The following GPAT4 variants were observed in gnomAD, a reference collection of about 807,000 sequenced individuals.
GPAT4 encodes the protein 1-AGP acyltransferase 6.
A neutral mutation model predicts 58.0 loss-of-function variants in GPAT4; 17 were observed. The ratio of observed to expected loss-of-function variants is 0.29; its 90% CI spans 0.20 to 0.44. The LOEUF is 0.44. GPAT4 is among the 20% of genes least tolerant of loss of function. The pLI is 1.00. For synonymous variants in GPAT4, 204 were observed against 210.1 expected, an observed-to-expected ratio of 0.97 and a Z score of 0.25; for missense variants, 377 against 574.5, an observed-to-expected ratio of 0.66 and a Z score of 3.51.
rs1585670693 is a variant in GPAT4 at position 41,610,393 on chromosome 8, CTG to C, written c.537-340_537-339del. ...CACCTCCTGTTGCTTCAGAGGGAAGCTGTGCTTCCACCGGGGTTTCCAGCCAA... is the reference window on the plus strand; with the variant it reads ...CACCTCCTGTTGCTTCAGAGGGAAGCTGCTTCCACCGGGGTTTCCAGCCAA... On this transcript the variant is annotated intron_variant, in intron 4 of 12. Transcript: ENST00000396987. 6 of 1,238,014 alleles carry C rather than the reference CTG, an allele frequency of 4.8e-6. No homozygotes were observed. In the East Asian group the frequency reaches 2.8e-4, roughly 58 times the overall value. The allele number at this position is 1,238,014 out of a possible 1,614,324, so 76.7% of individuals were successfully genotyped here.
intron 10 of GPAT4, among the ~76,000 whole-genome samples, chr8:41,617,281 G>A (rs925234624): frequency 2.6e-5 from 4 of 152,194 alleles, no homozygotes; most frequent in East Asian, 1.9e-4. Context: ...GGAGAATGGC[G>A]TGAACCTGGG....
rs143718571 is a variant in GPAT4, at chr8:41,611,513, A to G, written c.612-390A>G. ...GAGGTTTTGTCTGTTTGTGTGAAGA[A>G]TATTTTGCTCCCTTTGGGAAGTTCT... On this transcript the variant is annotated intron_variant, in intron 5 of 12. Transcript: ENST00000396987. Among the ~76,000 whole-genome samples the G allele has an allele frequency of 3.2e-3, 489 of 152,342 alleles. 4 individuals carry two copies. The highest frequency in any genetic ancestry group is 9.3e-3 in the African/African-American group (388 of 41,562).
intron 1 of GPAT4, among the ~76,000 whole-genome samples, chr8:41,582,061 T>G (rs1802530215): frequency 7.7e-6 from 1 of 130,354 alleles, no homozygotes; most frequent in African/African-American, 2.9e-5. Flanking sequence ...CAGGCCTGAG[T>G]GCGGTGGCGA....
Position 41,598,594 on chromosome 8 carries a change from A to G in GPAT4, c.-546A>G, listed in dbSNP as rs1159656100. On this transcript the variant is annotated 5_prime_UTR_variant, in exon 2 of 13. Coordinates refer to ENST00000396987, the MANE Select transcript of GPAT4 (RefSeq NM_178819.4). Reference sequence around the variant, plus strand: ...CTTATGAAGGAATTTTAAGTAAAACAGTTATTTAATTTCCACATATTCAAG... The same window carrying G: ...CTTATGAAGGAATTTTAAGTAAAACGGTTATTTAATTTCCACATATTCAAG... 1 of 152,340 alleles carries G rather than the reference A, an allele frequency of 6.6e-6. No individual in the cohort carries two copies. Among genetic ancestry groups the G allele is most frequent in the Non-Finnish European group, 1.5e-5 (1 of 68,130 alleles). 9.4% of individuals were successfully genotyped at this position (152,340 alleles called of 1,614,324 possible). A position where few individuals can be genotyped will look rare whatever the true frequency, so the allele number is the denominator to read the frequency against.
chr8:41,583,338 A>G (rs1053053154), intron 1 of GPAT4, among the ~76,000 whole-genome samples: 12 of 152,030 alleles, frequency 7.9e-5, no homozygotes, highest in African/African-American at 2.9e-4. Flanking sequence ...CTATCCATTA[A>G]CCAAGCTCTC....
At chr8:41,610,320 A>C (rs1021374620) in intron 4 of GPAT4, 1 of 1,219,322 alleles carries the variant, frequency 8.2e-7, no homozygotes, top group Non-Finnish European at 1.0e-6. Context: ...TCTCTGCACC[A>C]TGTGCTGCTC....
intron 9 of GPAT4, 133 bp from the exon 10 acceptor site, chr8:41,614,830 G>A (rs1803547989): frequency 1.4e-6 from 1 of 717,968 alleles, no homozygotes; most frequent in African/African-American, 1.8e-5. Flanking sequence ...TTTAAGTTAG[G>A]GAGATGACAG....
chr8:41,592,777 T>C (rs13255840), intron 1 of GPAT4, among the ~76,000 whole-genome samples: 70,847 of 151,966 alleles, frequency 0.47, 16,883 homozygotes, highest in African/African-American at 0.55. Context: ...AACTTCTTCT[T>C]GAACTAAGAT....
chr8:41,622,292 A>T lies in GPAT4; in HGVS notation c.*1291A>T, dbSNP rs1430392448. 2.5e-5 allele frequency: 2 copies of T among 79,164 alleles called. No homozygotes were observed. Among genetic ancestry groups the T allele is most frequent in the African/African-American group, 9.7e-5 (2 of 20,562 alleles). The allele number at this position is 79,164 out of a possible 1,614,324, so 4.9% of individuals were successfully genotyped here. ...ATGGTGGCTTCTGCAGGGGAGGGACAGGGGAGGGCTGCAGAGGGGCAGGGT... is the reference window on the plus strand; with the variant it reads ...ATGGTGGCTTCTGCAGGGGAGGGACTGGGGAGGGCTGCAGAGGGGCAGGGT... On this transcript the variant is annotated 3_prime_UTR_variant, in exon 13 of 13. Coordinates refer to ENST00000396987, the MANE Select transcript of GPAT4 (RefSeq NM_178819.4).
intron 1 of GPAT4, among the ~76,000 whole-genome samples, chr8:41,579,924 C>T (rs1802467519): frequency 6.6e-6 from 1 of 152,052 alleles, no homozygotes; most frequent in Non-Finnish European, 1.5e-5. Flanking sequence ...TTTTTCTGAG[C>T]CCTTGGAGGT....
intron 12 of GPAT4, chr8:41,619,199 A>G (rs1803682097): frequency 3.3e-6 from 2 of 599,086 alleles, no homozygotes; most frequent in Admixed American, 5.9e-5. Flanking sequence ...GATTCTGTGT[A>G]CCTTTCTGGG....
intron 1 of GPAT4, among the ~76,000 whole-genome samples, chr8:41,592,897 T>C (rs1217385882): frequency 6.6e-6 from 1 of 152,200 alleles, no homozygotes; most frequent in Non-Finnish European, 1.5e-5. Flanking sequence ...GGAGTTACAT[T>C]GTCCCTTAGT....
In GPAT4 at chr8:41,599,217, T is replaced by C. The variant is rs942231695; in HGVS notation, c.78T>C (p.Leu26=). 2 of 1,613,988 alleles carry C rather than the reference T, an allele frequency of 1.2e-6. No individual in the cohort carries two copies. The highest frequency in any genetic ancestry group is 1.7e-6 in the Non-Finnish European group (2 of 1,180,006). Residue 26 remains leucine (L), a synonymous_variant, in exon 2 of 13, where the codon CTT becomes CTC. Coordinates refer to ENST00000396987, the MANE Select transcript of GPAT4 (RefSeq NM_178819.4). ...GISLTVLFTL[L]LVFIIVPAIF... Reference sequence around the variant, plus strand: ...CCCTGACTGTCCTCTTCACCCTCCTTCTCGTTTTCATCATAGTGCCAGCCA... The same window carrying C: ...CCCTGACTGTCCTCTTCACCCTCCTCCTCGTTTTCATCATAGTGCCAGCCA...
chr8:41,606,047 A>G (rs1803260685), intron 2 of GPAT4, among the ~76,000 whole-genome samples: 1 of 152,226 alleles, frequency 6.6e-6, no homozygotes, highest in African/African-American at 2.4e-5. Context: ...GGCTTGCCGT[A>G]TCTTGCCCTA....
At chr8:41,590,297 G>A (rs760168845) in intron 1 of GPAT4, among the ~76,000 whole-genome samples, 2 of 152,154 alleles carry the variant, frequency 1.3e-5, no homozygotes, top group African/African-American at 2.4e-5. Context: ...ATGTTGGCCC[G>A]GCTGGTCTCA....
chr8:41,612,404 G>A (rs1803471216), intron 7 of GPAT4, 131 bp downstream of exon 7: 2 of 872,832 alleles, frequency 2.3e-6, no homozygotes, highest in Non-Finnish European at 3.5e-6. Context: ...CTGTCACTGT[G>A]GGGGCTCTGT....
intron 1 of GPAT4, chr8:41,578,616 T>A (rs1246893576): frequency 2.0e-5 from 3 of 152,180 alleles, no homozygotes; most frequent in Non-Finnish European, 4.4e-5. Flanking sequence ...AGTCCGGGGA[T>A]GTGGGTGGCG....
intron 10 of GPAT4, among the ~76,000 whole-genome samples, chr8:41,616,602 T>C (rs908705718): frequency 2.0e-5 from 3 of 152,088 alleles, no homozygotes; most frequent in Non-Finnish European, 4.4e-5. Flanking sequence ...GCCTTCTGAT[T>C]TTCCATTCTA....
intron 12 of GPAT4, among the ~76,000 whole-genome samples, chr8:41,620,208 G>A (rs1803707294): frequency 6.6e-6 from 1 of 152,206 alleles, no homozygotes; most frequent in Non-Finnish European, 1.5e-5. Context: ...AGTTGTTGAA[G>A]GTGGTGATAA....
Sources: allele counts gnomAD v4.1 joint callset (sites outside exome capture counted in the v4.1 genomes callset), GRCh38; gene constraint gnomAD v4.1.1; transcripts MANE v1.5; gene names NCBI Gene and HGNC (gene_info 2026-07-23, HGNC 2026-07-21).